Variants in SLC7A7 observed in about 807,000 individuals in gnomAD.
The protein encoded by SLC7A7 is Y+L amino acid transporter 1.
Under a neutral mutation model 47.9 loss-of-function variants are expected in SLC7A7, and 39 were observed. That is an observed-to-expected ratio of 0.81 (90% CI 0.63 to 1.06). The LOEUF (loss-of-function observed/expected upper bound fraction) is 1.06. Among genes scored for constraint, SLC7A7 ranks in the 50% least tolerant of loss-of-function variants. The pLI is 0.00. For synonymous variants in SLC7A7, 234 were observed against 242.8 expected (o/e 0.96, Z 0.34); for missense variants, 588 against 632.0 (o/e 0.93, Z 0.75).
rs142045717 is a variant in SLC7A7, at chr14:22,807,941, C to T, written c.499+4959G>A. On this transcript the variant is annotated intron_variant, in intron 2 of 9. Coordinates refer to ENST00000674313, the MANE Select transcript of SLC7A7 (RefSeq NM_003982.4). Reference sequence around the variant, plus strand: ...ATTTGGGAAGCTGAGGCGGGCAGTTCGCCTGAGGTTAGGAGTTCGAGACCA... The same window carrying T: ...ATTTGGGAAGCTGAGGCGGGCAGTTTGCCTGAGGTTAGGAGTTCGAGACCA... Among the ~76,000 whole-genome samples the T allele has an allele frequency of 2.9e-3, 441 of 152,244 alleles. 4 individuals are homozygous for T. The highest frequency in any genetic ancestry group is 9.8e-3 in the African/African-American group (407 of 41,548).
At chr14:22,794,656 G>C (rs2038980571) in intron 2 of SLC7A7, among the ~76,000 whole-genome samples, 1 of 152,124 alleles carries the variant, frequency 6.6e-6, no homozygotes, top group Admixed American at 6.6e-5. Flanking sequence ...TTCTCTGGGT[G>C]TGTTTCCTTA....
At chr14:22,794,526 C>A (rs1180835424) in intron 2 of SLC7A7, among the ~76,000 whole-genome samples, 1 of 152,082 alleles carries the variant, frequency 6.6e-6, no homozygotes, top group Admixed American at 6.6e-5. Flanking sequence ...AGATCTCAAG[C>A]CTGAGTGAGC....
upstream of SLC7A7, chr14:22,815,861 C>T (rs1467670597): frequency 5.5e-6 from 2 of 362,740 alleles, no homozygotes; most frequent in South Asian, 2.0e-5. Flanking sequence ...AGGAAGGTTG[C>T]ACAGTGTGAC....
chr14:22,790,394 G>A (rs1329845624), intron 2 of SLC7A7, among the ~76,000 whole-genome samples: 2 of 150,162 alleles, frequency 1.3e-5, no homozygotes, highest in Non-Finnish European at 2.9e-5. Context: ...GCACTGGGTG[G>A]TACTATTCAT....
chr14:22,797,580 C>T (rs151026180), intron 2 of SLC7A7, among the ~76,000 whole-genome samples: 34 of 152,158 alleles, frequency 2.2e-4, no homozygotes, highest in East Asian at 1.9e-3. Context: ...TCTACCCACA[C>T]GTCACTGGAG....
intron 2 of SLC7A7, among the ~76,000 whole-genome samples, chr14:22,810,668 C>T (rs1166879912): frequency 6.6e-6 from 1 of 152,052 alleles, no homozygotes; most frequent in African/African-American, 2.4e-5. Flanking sequence ...CAAGAGAAAT[C>T]ACAGATCATA....
rs371940951 is a variant in SLC7A7 at position 22,778,902 on chromosome 14, A to T, written c.661T>A (p.Ser221Thr). The change falls in exon 4 of 10, where the codon TCA (serine) becomes ACA (threonine). Residue 221 changes from serine (S) to threonine (T), a missense_variant. By Grantham distance (58) the Ser-to-Thr change is moderately conservative. Transcript: ENST00000674313. The part of the protein sequence containing the change: ...STHFENSFEG[S>T]SFAVGDIALA... The stretch of plus-strand genomic sequence containing the variant: ...GCAATGTCACCCACTGCAAATGATG[A>T]ACCCTCAAAGGAATTCTCAAAATGA... 5 of 1,614,072 alleles carry T rather than the reference A, an allele frequency of 3.1e-6. No homozygotes were observed. In the African/African-American group the frequency reaches 6.7e-5, roughly 22 times the overall value.
At position 22,774,648 on chromosome 14, in the gene SLC7A7, A is replaced by C. The variant is rs896625722; in HGVS notation, c.1096-145T>G. On this transcript the variant is annotated intron_variant, in intron 7 of 9. Transcript: ENST00000674313. ...CTGGTTTTAATCCCTTTAACACCCT[A>C]GTTTCAGTACCTTATCCCCTCTCTT... 7.8e-6 allele frequency: 8 copies of C among 1,023,890 alleles called. No homozygotes were observed. In the African/African-American group the frequency reaches 1.3e-4, roughly 16 times the overall value. 63.4% of individuals were successfully genotyped at this position (1,023,890 alleles called of 1,614,324 possible).
intron 4 of SLC7A7, among the ~76,000 whole-genome samples, chr14:22,776,784 A>G (rs2038617110): frequency 6.6e-6 from 1 of 152,164 alleles, no homozygotes; most frequent in Admixed American, 6.5e-5. Flanking sequence ...CCTGGCCAAC[A>G]TGGCAAAACC....
intron 2 of SLC7A7, among the ~76,000 whole-genome samples, chr14:22,798,576 C>T (rs1161584236): frequency 6.6e-6 from 1 of 152,198 alleles, no homozygotes; most frequent in African/African-American, 2.4e-5. Context: ...CATACCTCAA[C>T]CAACCTAAGG....
intron 7 of SLC7A7, 143 bp from the exon 8 acceptor site, chr14:22,774,646 C>T (rs1053018668): frequency 1.1e-5 from 12 of 1,047,192 alleles, no homozygotes; most frequent in Non-Finnish European, 1.8e-5. Flanking sequence ...CTTTAACACC[C>T]TAGTTTCAGT....
At chr14:22,781,915 C>T (rs2038725783) in intron 2 of SLC7A7, among the ~76,000 whole-genome samples, 1 of 152,084 alleles carries the variant, frequency 6.6e-6, no homozygotes, top group Admixed American at 6.6e-5. Flanking sequence ...TAACACCAAA[C>T]TGGAATAAGC....
chr14:22,791,215 T>C (rs2038918696), intron 2 of SLC7A7, among the ~76,000 whole-genome samples: 2 of 152,124 alleles, frequency 1.3e-5, no homozygotes, highest in African/African-American at 4.8e-5. Context: ...AAAATTTCCA[T>C]TCTAAAGCCT....
intron 7 of SLC7A7, among the ~76,000 whole-genome samples, chr14:22,774,909 T>A (rs918089838): frequency 6.6e-6 from 1 of 152,160 alleles, no homozygotes; most frequent in Non-Finnish European, 1.5e-5. Context: ...AGTTTCAGAT[T>A]TTTAGAGCAT....
chr14:22,785,123 A>G (rs1382004575), intron 2 of SLC7A7, among the ~76,000 whole-genome samples: 1 of 152,042 alleles, frequency 6.6e-6, no homozygotes, highest in Non-Finnish European at 1.5e-5. Flanking sequence ...TACTAAAAAT[A>G]TAAATATTAG....
chr14:22,776,180 G>A lies in SLC7A7; in HGVS notation c.894+15C>T, dbSNP rs1246357228. 3 of 1,614,056 alleles carry A rather than the reference G, an allele frequency of 1.9e-6. No homozygotes were observed. The Admixed American group carries it at 5.0e-5, about 27-fold the overall frequency. On this transcript the variant is annotated intron_variant, in intron 5 of 9. Transcript: ENST00000674313. ...ACAAGACACCCTCAACCTTCTGCTAGTGAAAATCCTTTACCACAGCAACAG... is the reference window on the plus strand; with the variant it reads ...ACAAGACACCCTCAACCTTCTGCTAATGAAAATCCTTTACCACAGCAACAG...
intron 2 of SLC7A7, 62 bp from the exon 3 acceptor site, chr14:22,780,113 A>G (rs537951253): frequency 1.2e-6 from 2 of 1,609,354 alleles, no homozygotes; most frequent in African/African-American, 1.3e-5. Flanking sequence ...TTAGACTCCC[A>G]AGCAATTTTT....
intron 4 of SLC7A7, among the ~76,000 whole-genome samples, chr14:22,776,616 C>G (rs112400192): frequency 1.3e-5 from 2 of 151,738 alleles, no homozygotes; most frequent in South Asian, 4.2e-4. Context: ...GGAGATGGCT[C>G]GAGTCTAGGA....
At chr14:22,812,492 G>GA (rs914541911) in intron 2 of SLC7A7, among the ~76,000 whole-genome samples, 8 of 147,972 alleles carry the variant, frequency 5.4e-5, no homozygotes, top group Non-Finnish European at 8.9e-5. Flanking sequence ...GAAGGAACAA[G>GA]AAAAAAAAAT....
Sources: allele counts gnomAD v4.1 joint callset (sites outside exome capture counted in the v4.1 genomes callset), GRCh38; gene constraint gnomAD v4.1.1; transcripts MANE v1.5; gene names NCBI Gene and HGNC (gene_info 2026-07-23, HGNC 2026-07-21).